CDH22: variants seen among roughly 807,000 people sequenced by gnomAD.
CDH22 encodes cadherin 22, also known as cadherin-22.
A neutral mutation model predicts 58.4 loss-of-function variants in CDH22; 30 were observed. The ratio of observed to expected loss-of-function variants is 0.51; its 90% CI spans 0.38 to 0.70. The LOEUF is 0.70. Ranked by LOEUF, CDH22 falls within the 30% of genes least tolerant of loss-of-function variation. CDH22 has a pLI of 0.00. For synonymous variants in CDH22, 513 were observed against 558.2 expected, an observed-to-expected ratio of 0.92 and a Z score of 1.14; for missense variants, 1,014 against 1,233.9, an observed-to-expected ratio of 0.82 and a Z score of 2.67.
intron 4 of CDH22, among the ~76,000 whole-genome samples, chr20:46,217,325 C>T (rs1298880586): frequency 2.0e-5 from 3 of 152,148 alleles, no homozygotes; most frequent in Non-Finnish European, 4.4e-5. Context: ...CACAGATGTA[C>T]ACACATGCTC....
chr20:46,229,275 G>A (rs986656781), intron 3 of CDH22, among the ~76,000 whole-genome samples: 4 of 145,914 alleles, frequency 2.7e-5, no homozygotes, highest in East Asian at 4.0e-4. Flanking sequence ...ATAGCATCTC[G>A]GAGATGCAGA....
chr20:46,181,438 GGGACACTCAGA>G (rs1220476442), intron 10 of CDH22, among the ~76,000 whole-genome samples: 3 of 152,058 alleles, frequency 2.0e-5, no homozygotes, highest in African/African-American at 7.2e-5. Context: ...TCAGGGACCC[GGGACACTCAGA>G]GGACACTCAG....
chr20:46,266,588 A>G (rs1051158352), intron 1 of CDH22, among the ~76,000 whole-genome samples: 3 of 152,202 alleles, frequency 2.0e-5, no homozygotes, highest in African/African-American at 7.2e-5. Context: ...TATTCGGGAT[A>G]GTTAATTTTT....
chr20:46,192,342 A>C (rs2085866882), intron 8 of CDH22, among the ~76,000 whole-genome samples: 1 of 152,130 alleles, frequency 6.6e-6, no homozygotes, highest in South Asian at 2.1e-4. Context: ...TTCTTGGATG[A>C]ACTGACTCTG....
At chr20:46,223,368 C>T (rs2145704278) in intron 4 of CDH22, among the ~76,000 whole-genome samples, 1 of 152,306 alleles carries the variant, frequency 6.6e-6, no homozygotes, top group Admixed American at 6.5e-5. Flanking sequence ...TATGTTCTTT[C>T]TTCTCCCCAT....
chr20:46,248,835 A>C lies in CDH22; in HGVS notation c.255+2205T>G, dbSNP rs533294452. On this transcript the variant is annotated intron_variant, in intron 2 of 11. Transcript: ENST00000537909. The stretch of plus-strand genomic sequence containing the variant: ...GTCTCAAAAAACAAAAACAAAACCA[A>C]CAACAACAACAACAAACACTTTAAC... 2.0e-5 allele frequency among the ~76,000 whole-genome samples: 3 copies of C among 152,108 alleles called. 1 individual carries two copies. Among genetic ancestry groups the C allele is most frequent in the African/African-American group, 7.2e-5 (3 of 41,492 alleles).
intron 7 of CDH22, among the ~76,000 whole-genome samples, chr20:46,203,015 T>C (rs1363111998): frequency 1.3e-5 from 2 of 152,284 alleles, no homozygotes; most frequent in East Asian, 3.9e-4. Flanking sequence ...CCTCCCTCCA[T>C]GCTGCTGCTG....
chr20:46,231,413 G>A (rs1279634681), intron 3 of CDH22, among the ~76,000 whole-genome samples: 3 of 152,170 alleles, frequency 2.0e-5, no homozygotes, highest in African/African-American at 7.2e-5. Flanking sequence ...TCTTGGGGAG[G>A]AGCCCAGGCA....
At chr20:46,184,857 G>A (rs895885725) in intron 10 of CDH22, among the ~76,000 whole-genome samples, 32 of 152,032 alleles carry the variant, frequency 2.1e-4, no homozygotes, top group African/African-American at 6.0e-4. Flanking sequence ...AGGCCGAGGC[G>A]GGCAGATCAC....
At chr20:46,240,821 C>T (rs2086284052) in intron 3 of CDH22, 142 bp downstream of exon 3, 2 of 743,086 alleles carry the variant, frequency 2.7e-6, no homozygotes, top group Non-Finnish European at 4.3e-6. Context: ...GGCACCTGAG[C>T]TCACATCTGT....
At chr20:46,282,825 C>A (rs1297680894) in intron 1 of CDH22, among the ~76,000 whole-genome samples, 2 of 152,134 alleles carry the variant, frequency 1.3e-5, no homozygotes, top group Non-Finnish European at 2.9e-5. Context: ...AACCCGTAAT[C>A]CCTGCCTAAT....
At chr20:46,295,332 TC>T (rs1213381007) in intron 1 of CDH22, among the ~76,000 whole-genome samples, 1 of 152,178 alleles carries the variant, frequency 6.6e-6, no homozygotes, top group Admixed American at 6.5e-5. Flanking sequence ...TCTGCAGAAC[TC>T]CCTCCTGAAA....
chr20:46,302,607 A>G (rs932489180), intron 1 of CDH22, among the ~76,000 whole-genome samples: 4 of 152,104 alleles, frequency 2.6e-5, no homozygotes, highest in African/African-American at 7.2e-5. Context: ...GCGCCTCAAG[A>G]TTCTTTCCAT....
chr20:46,288,561 T>G (rs1239400757), intron 1 of CDH22, among the ~76,000 whole-genome samples: 6 of 152,088 alleles, frequency 3.9e-5, no homozygotes, highest in Non-Finnish European at 1.5e-5. Flanking sequence ...TAAAACGCCC[T>G]TCAAAACCCT....
intron 1 of CDH22, among the ~76,000 whole-genome samples, chr20:46,268,188 C>T (rs1334635286): frequency 2.6e-5 from 4 of 152,232 alleles, no homozygotes; most frequent in Admixed American, 2.6e-4. Context: ...TCACATAAAA[C>T]CTGCTAAAAA....
At chr20:46,227,162 A>G (rs1206044699) in intron 4 of CDH22, among the ~76,000 whole-genome samples, 1 of 152,170 alleles carries the variant, frequency 6.6e-6, no homozygotes, top group East Asian at 1.9e-4. Flanking sequence ...GAAGAGCTCA[A>G]ACGCCTGCTT....
intron 3 of CDH22, among the ~76,000 whole-genome samples, chr20:46,233,734 G>A (rs1319337974): frequency 1.3e-5 from 2 of 152,152 alleles, no homozygotes; most frequent in African/African-American, 4.8e-5. Flanking sequence ...CGGGCCATGG[G>A]GCCAACTCCT....
chr20:46,205,417 A>G (rs990383219), intron 7 of CDH22, among the ~76,000 whole-genome samples: 1 of 152,150 alleles, frequency 6.6e-6, no homozygotes, highest in African/African-American at 2.4e-5. Flanking sequence ...CGAGGCTCAG[A>G]GGGGGTGCAT....
chr20:46,248,242 C>T (rs1216761166), intron 2 of CDH22, among the ~76,000 whole-genome samples: 1 of 152,120 alleles, frequency 6.6e-6, no homozygotes, highest in Non-Finnish European at 1.5e-5. Context: ...GTGATAAAGG[C>T]TAGGTAGGGG....
Sources: gnomAD v4.1 joint callset for allele counts (sites outside exome capture counted in the v4.1 genomes callset) on GRCh38, gnomAD v4.1.1 for gene constraint, MANE v1.5 for transcripts, NCBI Gene and HGNC (gene_info 2026-07-23, HGNC 2026-07-21) for gene names.